GPR37: variants seen among roughly 807,000 people sequenced by gnomAD.
GPR37 encodes the protein prosaposin receptor GPR37.
A neutral mutation model predicts 43.6 loss-of-function variants in GPR37; 20 were observed. The ratio of observed to expected loss-of-function variants is 0.46; its 90% CI spans 0.32 to 0.67. GPR37 has a LOEUF of 0.67. Ranked by LOEUF, GPR37 falls within the 30% of genes least tolerant of loss-of-function variation. The pLI is 0.03. For missense variants in GPR37, 724 were observed against 797.2 expected (o/e 0.91, Z 1.11); for synonymous variants, 315 against 322.6 (o/e 0.98, Z 0.25).
chr7:124,765,209 A>C lies in GPR37; in HGVS notation c.-233T>G. The C allele has an allele frequency of 2.2e-6, 1 of 452,176 alleles. No homozygotes were observed. The highest frequency in any genetic ancestry group is 3.9e-6 in the Non-Finnish European group (1 of 259,410). 28.0% of individuals were successfully genotyped at this position (452,176 alleles called of 1,614,324 possible). ...GCATTTCTCAGCCAAGTTGAGTCCC[A>C]GCAAGGTATGCCCTCCAAGGTTCCT... On this transcript the variant is annotated 5_prime_UTR_variant, in exon 1 of 2. Coordinates refer to ENST00000303921, the MANE Select transcript of GPR37 (RefSeq NM_005302.5).
rs1793900399 is a variant in GPR37 at position 124,764,953 on chromosome 7, G to A, written c.24C>T (p.Leu8=). The change falls in exon 1 of 2, where the codon CTC becomes CTT. Residue 8 remains leucine, a synonymous_variant. Transcript: ENST00000303921. The surrounding 1 kb of genome is among the most constrained non-coding windows in gnomAD (Gnocchi z 5.4). MRAPGAL[L]ARMSRLLLLL... ...GAAGCAGTAGCCGCGACATGCGGGC[G>A]AGAAGCGCGCCCGGGGCTCGCATGG... 1.3e-6 allele frequency: 2 copies of A among 1,505,082 alleles called. No homozygotes were observed. The highest frequency in any genetic ancestry group is 1.4e-5 in the African/African-American group (1 of 71,786). 93.2% of individuals were successfully genotyped at this position (1,505,082 alleles called of 1,614,324 possible).
chr7:124,755,218 T>G (rs1242818576), intron 1 of GPR37, among the ~76,000 whole-genome samples: 1 of 152,144 alleles, frequency 6.6e-6, no homozygotes, highest in Non-Finnish European at 1.5e-5. Context: ...CTTATCCTTA[T>G]CAACTGATAT....
intron 1 of GPR37, among the ~76,000 whole-genome samples, chr7:124,763,569 T>TG (rs1793874639): frequency 6.6e-6 from 1 of 150,428 alleles, no homozygotes; most frequent in Admixed American, 6.6e-5. Flanking sequence ...ATGCTAATGT[T>TG]TTTTTTTTTT....
At position 124,746,890 on chromosome 7, in the gene GPR37, T is replaced by C. The variant is rs1441081136; in HGVS notation, c.1477A>G (p.Thr493Ala). ...QIQLESQMNCTVVALTILYGF... is the reference protein window; with the variant it reads ...QIQLESQMNCAVVALTILYGF... Reference sequence around the variant, plus strand: ...TATAAAATGGTCAGTGCCACTACTGTACAGTTCATCTGACTCTCTAGTTGA... The same window carrying C: ...TATAAAATGGTCAGTGCCACTACTGCACAGTTCATCTGACTCTCTAGTTGA... Residue 493 changes from threonine to alanine, a missense_variant, in exon 2 of 2, where the codon ACA becomes GCA. Physicochemically the swap from Thr to Ala is moderately conservative, Grantham distance 58. This residue lies in a region of GPR37 where 342 missense variants were observed against 441.8 expected (regional missense o/e 0.77). Coordinates refer to ENST00000303921, the MANE Select transcript of GPR37 (RefSeq NM_005302.5). 6.2e-7 allele frequency: 1 copy of C among 1,613,986 alleles called. No homozygotes were observed. Among genetic ancestry groups the C allele is most frequent in the South Asian group, 1.1e-5 (1 of 91,088 alleles).
Position 124,764,425 on chromosome 7 carries a change from CCTTGGCCAGTAAAAA to C in GPR37, c.537_551del (p.Phe180_Arg184del). ...GGGAACCCTGGAGTTTCCCGGCTCTCCTTGGCCAGTAAAAAAGATCGCTGGCTCCGGGGACTGTCT... is the reference window on the plus strand; with the variant it reads ...GGGAACCCTGGAGTTTCCCGGCTCTCAGATCGCTGGCTCCGGGGACTGTCT... On this transcript the variant is annotated inframe_deletion, in exon 1 of 2. Coordinates refer to ENST00000303921, the MANE Select transcript of GPR37 (RefSeq NM_005302.5). The surrounding 1 kb of genome is among the most constrained non-coding windows in gnomAD (Gnocchi z 5.4). The C allele has an allele frequency of 6.2e-7, 1 of 1,613,660 alleles. No homozygotes were observed. Among genetic ancestry groups the C allele is most frequent in the South Asian group, 1.1e-5 (1 of 91,086 alleles).
At position 124,747,053 on chromosome 7, in the gene GPR37, G is replaced by T; in HGVS notation, c.1314C>A (p.Tyr438Ter). ...PDTIYVLALT[Y>*]DSARLWWYFG... is the part of the protein sequence containing the mutation. ...AATACCACCACAGTCTCGCACTGTC[G>T]TAGGTGAGGGCTAGAACATAGATGG... is the stretch of plus-strand genomic sequence containing the variant. The change falls in exon 2 of 2, where the codon TAC becomes TAA. Residue 438 changes from tyrosine (Y) to a stop codon, truncating the protein, a stop_gained. Transcript: ENST00000303921. LOFTEE classifies it high-confidence loss of function. 2.5e-6 allele frequency: 4 copies of T among 1,613,954 alleles called. No individual in the cohort carries two copies. Among genetic ancestry groups the T allele is most frequent in the Non-Finnish European group, 3.4e-6 (4 of 1,179,894 alleles).
Position 124,746,845 on chromosome 7 carries a change from C to T in GPR37, c.1522G>A (p.Glu508Lys), listed in dbSNP as rs1793677203. 1.2e-6 allele frequency: 2 copies of T among 1,614,096 alleles called. No homozygotes were observed. Among genetic ancestry groups the T allele is most frequent in the South Asian group, 1.1e-5 (1 of 91,082 alleles). Residue 508 changes from glutamate to lysine, a missense_variant, in exon 2 of 2, where the codon GAA (glutamate) becomes AAA (lysine). By Grantham distance (56) the Glu-to-Lys change is moderately conservative (BLOSUM62 1). Around this residue, in one of 2 missense-constraint regions of GPR37, gnomAD observed 342 missense variants for 441.8 expected, o/e 0.77. Transcript: ENST00000303921. ...GCAGTAACAATGTTGCAGATATTTT[C>T]AGGAATAATGCAAAATCCATATAAA... is the stretch of plus-strand genomic sequence containing the variant. ...TILYGFCIIP[E>K]NICNIVTAYM...
intron 1 of GPR37, among the ~76,000 whole-genome samples, chr7:124,747,773 T>C (rs1195915546): frequency 4.6e-5 from 7 of 152,140 alleles, no homozygotes; most frequent in Non-Finnish European, 8.8e-5. Flanking sequence ...TTTTCCAGTG[T>C]GAGGGTCAGT....
rs529240023 is a variant in GPR37, at chr7:124,758,281, A to C, written c.1023+5673T>G. 2.0e-5 allele frequency among the ~76,000 whole-genome samples: 3 copies of C among 152,318 alleles called. No homozygotes were observed. The South Asian group carries it at 6.2e-4, about 32-fold the overall frequency. On this transcript the variant is annotated intron_variant, in intron 1 of 1. Coordinates refer to ENST00000303921, the MANE Select transcript of GPR37 (RefSeq NM_005302.5). ...TTCCTGTTAGAGTCATCAGCTAAAT[A>C]TTTTCATTTGCATGGGAATATATAA...
At chr7:124,747,375 G>A (rs187946083) in intron 1 of GPR37, 32 bp from the exon 2 acceptor site, 14,752 of 1,409,356 alleles carry the variant, frequency 0.01, 209 homozygotes, top group Non-Finnish European at 9.7e-3. Flanking sequence ...ATTTATTCCC[G>A]GTGTCCCCCG....
chr7:124,757,752 A>G (rs545972019), intron 1 of GPR37, among the ~76,000 whole-genome samples: 1 of 152,018 alleles, frequency 6.6e-6, no homozygotes, highest in South Asian at 2.1e-4. Flanking sequence ...CTTTTCTGTA[A>G]TTTTAATGGC....
chr7:124,760,895 C>T (rs1055367656), intron 1 of GPR37, among the ~76,000 whole-genome samples: 8 of 152,120 alleles, frequency 5.3e-5, no homozygotes, highest in Non-Finnish European at 7.4e-5. Context: ...TGGTGGCTCA[C>T]GCCTGTAATC....
At position 124,746,353 on chromosome 7, in the gene GPR37, C is replaced by A; in HGVS notation, c.*172G>T. On this transcript the variant is annotated 3_prime_UTR_variant, in exon 2 of 2. Transcript: ENST00000303921. The stretch of plus-strand genomic sequence containing the variant: ...TTCTTCTTAAATAACTAAATAGAAA[C>A]TTTTTTTCAAAGCACAAATATTAAT... The A allele has an allele frequency of 2.1e-6, 1 of 473,346 alleles. No homozygotes were observed. Among genetic ancestry groups the A allele is most frequent in the Non-Finnish European group, 3.7e-6 (1 of 270,616 alleles). 29.3% of individuals were successfully genotyped at this position (473,346 alleles called of 1,614,324 possible).
intron 1 of GPR37, among the ~76,000 whole-genome samples, chr7:124,751,231 G>A (rs949602485): frequency 2.0e-5 from 3 of 152,006 alleles, no homozygotes; most frequent in African/African-American, 7.2e-5. Context: ...AATGCAGCTA[G>A]CGCTTGGGAT....
Position 124,745,371 on chromosome 7 carries a change from G to C in GPR37, c.*1154C>G, listed in dbSNP as rs1003591511. On this transcript the variant is annotated 3_prime_UTR_variant, in exon 2 of 2. Coordinates refer to ENST00000303921, the MANE Select transcript of GPR37 (RefSeq NM_005302.5). Reference sequence around the variant, plus strand: ...CACACAGCAAGCATCCTACACAACTGCTGCATTTTAAACTCCAGAAGAGGC... The same window carrying C: ...CACACAGCAAGCATCCTACACAACTCCTGCATTTTAAACTCCAGAAGAGGC... 6.6e-6 allele frequency among the ~76,000 whole-genome samples: 1 copy of C among 152,128 alleles called. No individual in the cohort carries two copies. The highest frequency in any genetic ancestry group is 2.4e-5 in the African/African-American group (1 of 41,430).
intron 1 of GPR37, among the ~76,000 whole-genome samples, chr7:124,748,788 A>T (rs1376347290): frequency 6.6e-6 from 1 of 152,174 alleles, no homozygotes; most frequent in Non-Finnish European, 1.5e-5. Context: ...TGGTCCAGAC[A>T]TCTAAAAAAA....
chr7:124,747,366 T>G (rs754821939), intron 1 of GPR37, 23 bp from the exon 2 acceptor site: 1 of 1,499,386 alleles, frequency 6.7e-7, no homozygotes, highest in Non-Finnish European at 9.1e-7. Context: ...ATAGAAGACA[T>G]TTATTCCCGG....
intron 1 of GPR37, among the ~76,000 whole-genome samples, chr7:124,758,143 T>C (rs993511781): frequency 2.6e-5 from 4 of 152,212 alleles, no homozygotes; most frequent in Non-Finnish European, 5.9e-5. Flanking sequence ...GATTTCTTAT[T>C]TGAATATTAT....
At chr7:124,761,154 CAAA>C (rs60967099) in intron 1 of GPR37, among the ~76,000 whole-genome samples, 85 of 77,448 alleles carry the variant, frequency 1.1e-3, no homozygotes, top group African/African-American at 3.5e-3. Flanking sequence ...GACTCCGTCT[CAAA>C]AAAAAAAAAA....
Sources: gnomAD v4.1 joint callset for allele counts (sites outside exome capture counted in the v4.1 genomes callset) on GRCh38, gnomAD v4.1.1 for gene constraint, gnomAD v4.1.1 regional missense constraint, Gnocchi (gnomAD v3.1) non-coding constraint, MANE v1.5 for transcripts, NCBI Gene and HGNC (gene_info 2026-07-23, HGNC 2026-07-21) for gene names.